Variants in SPAG16 observed in about 807,000 individuals in gnomAD.
SPAG16 encodes sperm associated antigen 16, also known as sperm-associated antigen 16 protein.
Under a neutral mutation model 80.4 loss-of-function variants are expected in SPAG16, and 86 were observed. The observed-to-expected ratio is 1.07, with a 90% CI of 0.90 to 1.28. The LOEUF (loss-of-function observed/expected upper bound fraction) is 1.28, where lower values mean the gene tolerates loss of function less well. Among genes scored for constraint, SPAG16 ranks in the 50% most tolerant of loss-of-function variants. The probability of loss-of-function intolerance (pLI) is 0.00; values close to 1 mark genes in which losing one functional copy is unlikely to be tolerated. For synonymous variants in SPAG16, 294 were observed against 265.9 expected, an observed-to-expected ratio of 1.11 and a Z score of -1.03; for missense variants, 870 against 765.3, an observed-to-expected ratio of 1.14 and a Z score of -1.61.
Position 213,805,545 on chromosome 2 carries a change from A to G in SPAG16, c.1071-56940A>G, listed in dbSNP as rs192917653. On this transcript the variant is annotated intron_variant, in intron 10 of 15. Coordinates refer to ENST00000331683, the MANE Select transcript of SPAG16 (RefSeq NM_024532.5). ...AGGTTTTTAGAAGAGTTATCTGAGG[A>G]GGGGTGTTGTCGAAACTGTAGCAGA... Among the ~76,000 whole-genome samples, 13 of 152,304 alleles carry G rather than the reference A, an allele frequency of 8.5e-5. No individual in the cohort carries two copies. The East Asian group carries it at 2.3e-3, about 27-fold the overall frequency.
chr2:213,548,449 GA>G (rs201310389), intron 10 of SPAG16, among the ~76,000 whole-genome samples: 3,013 of 152,264 alleles, frequency 0.02, 41 homozygotes, highest in Middle Eastern at 0.051. Flanking sequence ...TTGACCTCGT[GA>G]TCTGCCCGCC....
At chr2:214,108,953 C>A (rs1303190682) in intron 14 of SPAG16, among the ~76,000 whole-genome samples, 1 of 152,154 alleles carries the variant, frequency 6.6e-6, no homozygotes, top group Non-Finnish European at 1.5e-5. Context: ...ATCCCCAATG[C>A]AAGAGTGTTT....
At chr2:213,989,835 GT>G (rs1212629015) in intron 12 of SPAG16, among the ~76,000 whole-genome samples, 19 of 152,150 alleles carry the variant, frequency 1.2e-4, no homozygotes, top group African/African-American at 4.6e-4. Flanking sequence ...GACAGAAATG[GT>G]TAATGAGCCC....
At chr2:214,058,006 ATGT>A (rs2050036674) in intron 13 of SPAG16, among the ~76,000 whole-genome samples, 1 of 152,136 alleles carries the variant, frequency 6.6e-6, no homozygotes, top group South Asian at 2.1e-4. Flanking sequence ...CTTAAAAAAA[ATGT>A]TGTGGCTGGT....
intron 10 of SPAG16, among the ~76,000 whole-genome samples, chr2:213,829,876 T>C (rs1021516432): frequency 2.0e-5 from 3 of 151,876 alleles, no homozygotes; most frequent in Non-Finnish European, 2.9e-5. Flanking sequence ...GGTATCCAAG[T>C]TGCAAAACAA....
intron 10 of SPAG16, among the ~76,000 whole-genome samples, chr2:213,709,479 T>TAAA (rs2065892269): frequency 6.6e-6 from 1 of 152,208 alleles, no homozygotes; most frequent in Non-Finnish European, 1.5e-5. Flanking sequence ...TTAATCAAAG[T>TAAA]TTTAAATTAT....
At chr2:214,296,965 G>A (rs1002328321) in intron 15 of SPAG16, among the ~76,000 whole-genome samples, 2 of 152,118 alleles carry the variant, frequency 1.3e-5, no homozygotes, top group African/African-American at 4.8e-5. Context: ...TGGCATGCTG[G>A]CTCCCCTTCA....
At chr2:213,508,918 T>TA (rs545958429) in intron 10 of SPAG16, among the ~76,000 whole-genome samples, 144 of 144,344 alleles carry the variant, frequency 1.0e-3, no homozygotes, top group Middle Eastern at 3.6e-3. Context: ...AAAGTATAAT[T>TA]AAAAAAAAAA....
At chr2:213,746,574 G>A (rs900466109) in intron 10 of SPAG16, among the ~76,000 whole-genome samples, 5 of 152,170 alleles carry the variant, frequency 3.3e-5, no homozygotes, top group African/African-American at 1.2e-4. Flanking sequence ...GGGAGGCTGA[G>A]GCAGGCAGAT....
intron 10 of SPAG16, among the ~76,000 whole-genome samples, chr2:213,756,216 C>T (rs149713548): frequency 0.014 from 2,099 of 152,254 alleles, 51 homozygotes; most frequent in African/African-American, 0.048. Flanking sequence ...CACGATGGCT[C>T]ATGCATGTAA....
At chr2:213,429,014 C>A (rs1168544956) in intron 9 of SPAG16, among the ~76,000 whole-genome samples, 1 of 151,624 alleles carries the variant, frequency 6.6e-6, no homozygotes, top group Non-Finnish European at 1.5e-5. Context: ...ATTGCTTGAA[C>A]CTGGGAGGCA....
intron 5 of SPAG16, among the ~76,000 whole-genome samples, chr2:213,329,790 C>A (rs955259445): frequency 2.0e-5 from 3 of 152,152 alleles, no homozygotes; most frequent in African/African-American, 7.2e-5. Context: ...CAACCCCTGC[C>A]ATCACAAGCC....
At chr2:213,523,999 G>C (rs1200395740) in intron 10 of SPAG16, among the ~76,000 whole-genome samples, 5 of 152,242 alleles carry the variant, frequency 3.3e-5, no homozygotes, top group African/African-American at 1.2e-4. Flanking sequence ...TAATGGGAAT[G>C]TCTCCAGGGC....
intron 12 of SPAG16, among the ~76,000 whole-genome samples, chr2:214,004,546 T>C (rs1391888823): frequency 6.6e-6 from 1 of 152,104 alleles, no homozygotes; most frequent in East Asian, 1.9e-4. Context: ...TTGTAGTAAA[T>C]GCTCTAAAAA....
intron 15 of SPAG16, among the ~76,000 whole-genome samples, chr2:214,351,836 C>CA (rs956341855): frequency 0.01 from 208 of 20,468 alleles, no homozygotes; most frequent in African/African-American, 0.012. Flanking sequence ...ATTTGACACA[C>CA]AAAAAAAATA....
At chr2:213,435,898 A>T (rs1480493541) in intron 9 of SPAG16, among the ~76,000 whole-genome samples, 1 of 152,120 alleles carries the variant, frequency 6.6e-6, no homozygotes, top group South Asian at 2.1e-4. Flanking sequence ...CTATCTATAT[A>T]ATTTTGGACA....
chr2:213,933,114 A>T lies in SPAG16; in HGVS notation c.1400+2969A>T, dbSNP rs561817237. Among the ~76,000 whole-genome samples the T allele has an allele frequency of 2.1e-4, 32 of 152,276 alleles. No homozygotes were observed. The South Asian group carries it at 6.2e-3, about 30-fold the overall frequency. On this transcript the variant is annotated intron_variant, in intron 12 of 15. Transcript: ENST00000331683. ...TTCTCCCTGACCCATCCACATTTAA[A>T]CTACAATATAATTATGCTGTCTTAT...
intron 10 of SPAG16, among the ~76,000 whole-genome samples, chr2:213,637,603 A>G (rs2062414919): frequency 6.6e-6 from 1 of 152,152 alleles, no homozygotes; most frequent in African/African-American, 2.4e-5. Flanking sequence ...TTTTTTAATT[A>G]TCATTTCAAT....
chr2:214,129,679 G>A (rs942316031), intron 14 of SPAG16, among the ~76,000 whole-genome samples: 50 of 152,040 alleles, frequency 3.3e-4, no homozygotes, highest in African/African-American at 1.1e-3. Flanking sequence ...AATTTCATGC[G>A]AAGGCTTAGA....
Sources: allele counts gnomAD v4.1 joint callset (sites outside exome capture counted in the v4.1 genomes callset), GRCh38; gene constraint gnomAD v4.1.1; transcripts MANE v1.5; gene names NCBI Gene and HGNC (gene_info 2026-07-23, HGNC 2026-07-21).